The following DAB1 variants were observed in gnomAD, a reference collection of about 807,000 sequenced individuals.
DAB1 encodes the protein disabled homolog 1.
Under a neutral mutation model 64.6 loss-of-function variants are expected in DAB1, and 15 were observed. That is an observed-to-expected ratio of 0.23 (90% CI 0.16 to 0.36). DAB1 has a LOEUF of 0.36. Among genes scored for constraint, DAB1 ranks in the 10% least tolerant of loss-of-function variants. The probability of loss-of-function intolerance (pLI) is 1.00; values close to 1 mark genes in which losing one functional copy is unlikely to be tolerated. For missense variants in DAB1, 596 were observed against 706.7 expected, an observed-to-expected ratio of 0.84 and a Z score of 1.78; for synonymous variants, 235 against 251.9, an observed-to-expected ratio of 0.93 and a Z score of 0.64.
At chr1:57,447,400 C>T (rs1488970308) in intron 7 of DAB1, among the ~76,000 whole-genome samples, 1 of 152,150 alleles carries the variant, frequency 6.6e-6, no homozygotes, top group East Asian at 1.9e-4. Context: ...GAGAGAGATC[C>T]TTGTGCAGAC....
In DAB1 at chr1:56,997,910, GCTGCCATAGATAT is replaced by G. The variant is rs1369881046; in HGVS notation, c.*221_*233del. 5 of 152,336 alleles carry G rather than the reference GCTGCCATAGATAT, an allele frequency of 3.3e-5. No homozygotes were observed. The allele number at this position is 152,336 out of a possible 1,614,324, so 9.4% of individuals were successfully genotyped here. On this transcript the variant is annotated 3_prime_UTR_variant, in exon 15 of 15. Transcript: ENST00000371236. The stretch of plus-strand genomic sequence containing the variant: ...GGATCTTTCTATACTTTTTTTGTGT[GCTGCCATAGATAT>G]CTGCCATTGGTTGCCAAAAATGCTT...
intron 11 of DAB1, among the ~76,000 whole-genome samples, chr1:57,023,123 T>A (rs1287987457): frequency 6.6e-6 from 1 of 152,228 alleles, no homozygotes; most frequent in African/African-American, 2.4e-5. Flanking sequence ...CAGCACCAAG[T>A]AAGGCAGACC....
At chr1:58,075,049 C>T (rs546028347) in intron 5 of DAB1, among the ~76,000 whole-genome samples, 1 of 152,234 alleles carries the variant, frequency 6.6e-6, no homozygotes, top group Admixed American at 6.5e-5. Context: ...ACTACCTCTT[C>T]CATCCAGCTT....
chr1:57,556,401 G>T (rs2805855), intron 7 of DAB1, among the ~76,000 whole-genome samples: 76,102 of 151,940 alleles, frequency 0.5, 19,261 homozygotes, highest in South Asian at 0.61. Flanking sequence ...ACCAACAATG[G>T]AAAAGTGTTC....
intron 3 of DAB1, among the ~76,000 whole-genome samples, chr1:58,467,605 T>C (rs949898248): frequency 1.3e-5 from 2 of 152,208 alleles, no homozygotes; most frequent in Non-Finnish European, 2.9e-5. Flanking sequence ...TGCTACTCGG[T>C]GCAGTAAAAG....
intron 1 of DAB1, among the ~76,000 whole-genome samples, chr1:58,534,637 A>T (rs897530554): frequency 6.6e-6 from 1 of 152,242 alleles, no homozygotes; most frequent in African/African-American, 2.4e-5. Flanking sequence ...TAAACATTTT[A>T]GAAAACACTG....
At chr1:57,702,010 C>T (rs1026619127) in intron 6 of DAB1, among the ~76,000 whole-genome samples, 1 of 152,130 alleles carries the variant, frequency 6.6e-6, no homozygotes, top group Non-Finnish European at 1.5e-5. Context: ...TCAATGGTTC[C>T]TTGCTCTGTC....
Position 57,655,785 on chromosome 1 carries a change from TAG to T in DAB1, n.552-6122_552-6121del, listed in dbSNP as rs367567455. ...TTTTGTAAAATATACAATAGAAATT[TAG>T]AGTTTGGAGAAAAATTTAAAATGCT... On this transcript the variant is annotated intron_variant and non_coding_transcript_variant, in intron 6 of 20. Transcript: ENST00000485760. 2.5e-3 allele frequency among the ~76,000 whole-genome samples: 378 copies of T among 152,314 alleles called. 2 individuals carry two copies. Among genetic ancestry groups the T allele is most frequent in the African/African-American group, 8.9e-3 (369 of 41,572 alleles).
intron 4 of DAB1, among the ~76,000 whole-genome samples, chr1:58,196,375 T>C (rs925206361): frequency 2.6e-5 from 4 of 152,212 alleles, no homozygotes; most frequent in African/African-American, 9.6e-5. Context: ...CTTGAGTTTT[T>C]TCTTAGAAGC....
chr1:58,418,887 C>T (rs796277990), intron 3 of DAB1, among the ~76,000 whole-genome samples: 10 of 152,228 alleles, frequency 6.6e-5, no homozygotes, highest in African/African-American at 2.4e-4. Flanking sequence ...GGGACAATTG[C>T]CCCCAGTCTT....
chr1:58,139,435 G>A (rs1466819640), intron 5 of DAB1, among the ~76,000 whole-genome samples: 1 of 152,142 alleles, frequency 6.6e-6, no homozygotes, highest in Non-Finnish European at 1.5e-5. Context: ...AAGCAAACAC[G>A]TCCTTCTTCA....
chr1:57,000,267 A>G (rs1645807633), intron 14 of DAB1, among the ~76,000 whole-genome samples: 1 of 151,872 alleles, frequency 6.6e-6, no homozygotes, highest in African/African-American at 2.4e-5. Context: ...GATGGTCTCA[A>G]TTTCCTGACC....
intron 1 of DAB1, among the ~76,000 whole-genome samples, chr1:57,843,990 C>T (rs938718423): frequency 2.0e-5 from 3 of 152,202 alleles, no homozygotes; most frequent in African/African-American, 7.2e-5. Flanking sequence ...GCCTGATGTT[C>T]CAGCCACAAT....
chr1:57,303,416 T>C (rs947152347), intron 1 of DAB1, among the ~76,000 whole-genome samples: 1 of 152,152 alleles, frequency 6.6e-6, no homozygotes, highest in Non-Finnish European at 1.5e-5. Flanking sequence ...CCAAGGACAA[T>C]CTGCTGCCTG....
At chr1:58,123,167 T>C (rs890091059) in intron 5 of DAB1, among the ~76,000 whole-genome samples, 1 of 152,186 alleles carries the variant, frequency 6.6e-6, no homozygotes, top group African/African-American at 2.4e-5. Flanking sequence ...GTAATCGCCA[T>C]GACAGCATTT....
At chr1:57,458,754 C>A (rs140378499) in intron 7 of DAB1, among the ~76,000 whole-genome samples, 1 of 151,820 alleles carries the variant, frequency 6.6e-6, no homozygotes, top group Non-Finnish European at 1.5e-5. Flanking sequence ...GTTTCCAAAC[C>A]TTTTTAATGA....
chr1:57,468,158 C>T (rs1354275974), intron 7 of DAB1, among the ~76,000 whole-genome samples: 2 of 152,176 alleles, frequency 1.3e-5, no homozygotes, highest in Non-Finnish European at 2.9e-5. Context: ...TTCTTGGTAT[C>T]CCCTTCAGCA....
At chr1:58,447,536 A>C (rs1191812309) in intron 3 of DAB1, among the ~76,000 whole-genome samples, 1 of 152,138 alleles carries the variant, frequency 6.6e-6, no homozygotes, top group African/African-American at 2.4e-5. Context: ...CACAGTGGTC[A>C]GCAAAAGAAA....
At chr1:58,053,805 ACT>A (rs1422331839) in intron 5 of DAB1, among the ~76,000 whole-genome samples, 2 of 152,162 alleles carry the variant, frequency 1.3e-5, no homozygotes, top group Admixed American at 6.5e-5. Flanking sequence ...CATTTAAATA[ACT>A]CTGTGAAATT....
Sources: allele counts gnomAD v4.1 joint callset (sites outside exome capture counted in the v4.1 genomes callset), GRCh38; gene constraint gnomAD v4.1.1; transcripts MANE v1.5; gene names NCBI Gene and HGNC (gene_info 2026-07-23, HGNC 2026-07-21).